The following CDKL4 variants were observed in gnomAD, a reference collection of about 807,000 sequenced individuals.
CDKL4 encodes cyclin dependent kinase like 4.
Under a neutral mutation model 42.0 loss-of-function variants are expected in CDKL4, and 44 were observed. The observed-to-expected ratio is 1.05, with a 90% CI of 0.82 to 1.35. The LOEUF (loss-of-function observed/expected upper bound fraction) is 1.35. CDKL4 is among the 40% of genes most tolerant of loss of function. The pLI, the probability that CDKL4 is intolerant of heterozygous loss-of-function variation, is 0.00. For synonymous variants in CDKL4, 120 were observed against 121.6 expected (o/e 0.99, Z 0.09); for missense variants, 393 against 369.9 (o/e 1.06, Z -0.51).
intron 5 of CDKL4, among the ~76,000 whole-genome samples, chr2:39,201,280 C>T (rs1169886423): frequency 7.0e-6 from 1 of 143,858 alleles, no homozygotes; most frequent in Non-Finnish European, 1.5e-5. Context: ...TTTACTCCTG[C>T]AAGAATGGCT....
At chr2:39,175,899 A>C (rs1675143923) in exon 10 of CDKL4, 2 of 390,784 alleles carry the variant, frequency 5.1e-6, no homozygotes, top group East Asian at 1.4e-4. Context: ...CTTAATTTTC[A>C]TATGGCTCAT....
chr2:39,220,915 G>A (rs1439662622), intron 3 of CDKL4, among the ~76,000 whole-genome samples: 3 of 123,760 alleles, frequency 2.4e-5, no homozygotes, highest in Admixed American at 8.7e-5. Context: ...TAATTTAGTC[G>A]TTGGGTCCCT....
chr2:39,227,419 C>T (rs1229784402), intron 2 of CDKL4, among the ~76,000 whole-genome samples: 2 of 152,134 alleles, frequency 1.3e-5, no homozygotes, highest in African/African-American at 4.8e-5. Context: ...ACAAATGTCA[C>T]CCTAAAACTG....
intron 5 of CDKL4, among the ~76,000 whole-genome samples, chr2:39,192,045 T>C (rs1676216895): frequency 6.6e-6 from 1 of 152,252 alleles, no homozygotes; most frequent in East Asian, 1.9e-4. Flanking sequence ...TACTTGCTCA[T>C]TGCTCTTTTA....
intron 1 of CDKL4, among the ~76,000 whole-genome samples, chr2:39,233,833 A>G (rs918227023): frequency 3.6e-4 from 54 of 150,946 alleles, no homozygotes; most frequent in African/African-American, 1.3e-3. Flanking sequence ...AAAAGCCACA[A>G]TGAATCAGAT....
intron 8 of CDKL4, among the ~76,000 whole-genome samples, chr2:39,180,686 CTTTTT>C (rs1167370938): frequency 8.3e-6 from 1 of 121,078 alleles, no homozygotes; most frequent in Non-Finnish European, 1.7e-5. Flanking sequence ...GAGAGAAAGA[CTTTTT>C]TTTTTTTTTT....
chr2:39,222,760 T>C lies in CDKL4; in HGVS notation c.290+3079A>G, dbSNP rs140489336. On this transcript the variant is annotated intron_variant, in intron 3 of 9. Coordinates refer to ENST00000451199, the Ensembl canonical transcript of CDKL4. ...CAAGTCAAGCAAACTGGTGTATGCA[T>C]TGAATGTTTTATAATAGTTTCAGGG... Among the ~76,000 whole-genome samples the C allele has an allele frequency of 6.5e-3, 996 of 152,230 alleles. 15 individuals carry two copies. The highest frequency in any genetic ancestry group is 0.023 in the African/African-American group (943 of 41,552).
chr2:39,240,355 G>A (rs552256102), intron 1 of CDKL4, among the ~76,000 whole-genome samples: 2 of 151,866 alleles, frequency 1.3e-5, no homozygotes, highest in African/African-American at 4.8e-5. Flanking sequence ...AGGAGGCAGA[G>A]GTTGCAGTGA....
chr2:39,185,179 T>C (rs532047715), intron 7 of CDKL4, among the ~76,000 whole-genome samples: 4 of 125,786 alleles, frequency 3.2e-5, no homozygotes, highest in African/African-American at 6.5e-5. Flanking sequence ...TATATATACA[T>C]ATGTGTATAT....
At chr2:39,198,631 G>T (rs1013375272) in intron 5 of CDKL4, among the ~76,000 whole-genome samples, 2 of 151,872 alleles carry the variant, frequency 1.3e-5, no homozygotes, top group Non-Finnish European at 2.9e-5. Context: ...ATTATAGCAA[G>T]AACTCTCACA....
At chr2:39,201,476 C>A (rs2148328069) in intron 5 of CDKL4, among the ~76,000 whole-genome samples, 1 of 152,070 alleles carries the variant, frequency 6.6e-6, no homozygotes, top group East Asian at 1.9e-4. Context: ...TGGGTATCTA[C>A]CGAGAGGAAA....
Position 39,188,336 on chromosome 2 carries a change from G to A in CDKL4, c.653-627C>T, listed in dbSNP as rs560621895. On this transcript the variant is annotated intron_variant, in intron 6 of 9. Coordinates refer to ENST00000451199, the Ensembl canonical transcript of CDKL4. ...CCAGCACTTTGGGAGGCAGAGGGAG[G>A]TGGATCACGAAGTCAAGAAATCGAG... Among the ~76,000 whole-genome samples, 4 of 152,054 alleles carry A rather than the reference G, an allele frequency of 2.6e-5. No individual in the cohort carries two copies. In the East Asian group the frequency reaches 5.8e-4, roughly 22 times the overall value.
intron 1 of CDKL4, among the ~76,000 whole-genome samples, chr2:39,233,386 C>G (rs1040722517): frequency 4.6e-5 from 7 of 151,782 alleles, no homozygotes; most frequent in African/African-American, 1.7e-4. Context: ...AATAAAAGGA[C>G]AAGAGGGAAG....
In CDKL4 at chr2:39,213,886, CTTT is replaced by C. The variant is rs924791287; in HGVS notation, c.291-417_291-415del. Among the ~76,000 whole-genome samples the C allele has an allele frequency of 2.7e-5, 4 of 149,126 alleles. No homozygotes were observed. The South Asian group carries it at 8.4e-4, about 31-fold the overall frequency. On this transcript the variant is annotated intron_variant, in intron 3 of 9. Transcript: ENST00000451199. The stretch of plus-strand genomic sequence containing the variant: ...CTCTCTCTCCCTGTCTCTCTCTGTA[CTTT>C]TTTTGTTTTGTTTTGTTTTGTTTTG...
At chr2:39,195,018 T>A (rs546632639) in intron 5 of CDKL4, among the ~76,000 whole-genome samples, 91 of 152,304 alleles carry the variant, frequency 6.0e-4, no homozygotes, top group East Asian at 3.3e-3. Flanking sequence ...TTTGTCTCCA[T>A]GAATTTGACT....
intron 5 of CDKL4, among the ~76,000 whole-genome samples, chr2:39,191,995 G>A (rs1676213260): frequency 6.6e-6 from 1 of 152,218 alleles, no homozygotes; most frequent in South Asian, 2.1e-4. Flanking sequence ...GCTCTGGTCA[G>A]AGAACAGTCC....
chr2:39,229,241 A>C, intron 2 of CDKL4, 124 bp downstream of exon 2: 1 of 681,010 alleles, frequency 1.5e-6, no homozygotes, highest in Non-Finnish European at 2.4e-6. Flanking sequence ...TTATTACCCA[A>C]AGGTGCTGAT....
chr2:39,241,751 T>C (rs1304053445), intron 1 of CDKL4, among the ~76,000 whole-genome samples: 1 of 152,216 alleles, frequency 6.6e-6, no homozygotes, highest in Non-Finnish European at 1.5e-5. Context: ...CTTTCTCTGC[T>C]CGCATGCTAT....
At chr2:39,178,797 T>C in intron 9 of CDKL4, 1 of 1,567,306 alleles carries the variant, frequency 6.4e-7, no homozygotes, top group Non-Finnish European at 8.7e-7. Flanking sequence ...GTTACCGTTA[T>C]TGCACATCTG....
Sources: allele counts gnomAD v4.1 joint callset (sites outside exome capture counted in the v4.1 genomes callset), GRCh38; gene constraint gnomAD v4.1.1; transcripts MANE v1.5; gene names NCBI Gene and HGNC (gene_info 2026-07-23, HGNC 2026-07-21).